The following FBXL18 variants were observed in gnomAD, a reference collection of about 807,000 sequenced individuals.
FBXL18 encodes F-box/LRR-repeat protein 18.
In FBXL18, 36 loss-of-function variants were observed where a neutral mutation model predicts 46.0. The observed-to-expected ratio is 0.78, with a 90% CI of 0.60 to 1.03. The LOEUF (loss-of-function observed/expected upper bound fraction) is 1.03, where lower values mean the gene tolerates loss of function less well. Ranked by LOEUF, FBXL18 falls within the 50% of genes least tolerant of loss-of-function variation. The pLI is 0.00. For synonymous variants in FBXL18, 557 were observed against 465.3 expected (o/e 1.20, Z -2.54); for missense variants, 977 against 1,004.1 (o/e 0.97, Z 0.36).
intron 3 of FBXL18, among the ~76,000 whole-genome samples, chr7:5,494,502 A>G (rs1025197910): frequency 6.6e-6 from 1 of 152,182 alleles, no homozygotes; most frequent in Non-Finnish European, 1.5e-5. Context: ...TTATTTTTCT[A>G]TATTTGTTTT....
In FBXL18 at chr7:5,496,898, G is replaced by A. The variant is rs2128236666; in HGVS notation, c.1781+3590C>T. ...AAAAAAAAATTAGCCGAGTATGGTGGTGGGCACCTGTAATCCCAGCTACTC... is the reference window on the plus strand; with the variant it reads ...AAAAAAAAATTAGCCGAGTATGGTGATGGGCACCTGTAATCCCAGCTACTC... On this transcript the variant is annotated intron_variant, in intron 3 of 4. Coordinates refer to ENST00000382368, the MANE Select transcript of FBXL18 (RefSeq NM_024963.6). This position sits in a 1 kb window ranked among gnomAD's most constrained non-coding sequence, Gnocchi z 4.8. Among the ~76,000 whole-genome samples, 1 of 152,136 alleles carries A rather than the reference G, an allele frequency of 6.6e-6. No individual in the cohort carries two copies. The highest frequency in any genetic ancestry group is 1.9e-4 in the East Asian group (1 of 5,170).
chr7:5,497,729 G>A (rs1413990254), intron 3 of FBXL18, among the ~76,000 whole-genome samples: 2 of 152,174 alleles, frequency 1.3e-5, no homozygotes, highest in African/African-American at 2.4e-5. Flanking sequence ...CGGTGTTTGC[G>A]AGAGACTCAG....
At chr7:5,465,159 CTG>C (rs1309330535) in intron 4 of FBXL18, among the ~76,000 whole-genome samples, 3 of 152,134 alleles carry the variant, frequency 2.0e-5, no homozygotes, top group Non-Finnish European at 4.4e-5. Context: ...GATCAATAGA[CTG>C]TGAACTATTT....
downstream of FBXL18, among the ~76,000 whole-genome samples, chr7:5,471,062 G>A (rs1783419511): frequency 6.6e-6 from 1 of 152,186 alleles, no homozygotes; most frequent in Admixed American, 6.5e-5. Context: ...TAAGCAGGCA[G>A]CTGACCCCCG....
intron 1 of FBXL18, among the ~76,000 whole-genome samples, chr7:5,507,436 G>C (rs1358510543): frequency 6.6e-6 from 1 of 152,102 alleles, no homozygotes; most frequent in Non-Finnish European, 1.5e-5. Context: ...CTCCAAAAGA[G>C]AAAGCCACAC....
rs954325523 is a variant in FBXL18 at position 5,476,096 on chromosome 7, G to C, written c.*5679C>G. 6.6e-6 allele frequency: 1 copy of C among 152,404 alleles called. No homozygotes were observed. The allele number at this position is 152,404 out of a possible 1,614,324, so 9.4% of individuals were successfully genotyped here. On this transcript the variant is annotated 3_prime_UTR_variant, in exon 5 of 5. Coordinates refer to ENST00000382368, the MANE Select transcript of FBXL18 (RefSeq NM_024963.6). Reference sequence around the variant, plus strand: ...CTCTGCTGTCTCTGGGCAGTCTCACGTGGACAGACAATGCTCAGAAGGTGG... The same window carrying C: ...CTCTGCTGTCTCTGGGCAGTCTCACCTGGACAGACAATGCTCAGAAGGTGG...
chr7:5,471,855 G>A (rs1272050114), downstream of FBXL18, among the ~76,000 whole-genome samples: 2 of 152,188 alleles, frequency 1.3e-5, no homozygotes, highest in Non-Finnish European at 2.9e-5. Flanking sequence ...GCTCACGCCT[G>A]TAATCCCAGC....
At chr7:5,462,625 G>A (rs1257997070) in intron 4 of FBXL18, among the ~76,000 whole-genome samples, 2 of 152,092 alleles carry the variant, frequency 1.3e-5, no homozygotes, top group East Asian at 1.9e-4. Context: ...TCTTACTGGG[G>A]ACCCAGCCGC....
chr7:5,513,422 G>A (rs1428761756), intron 1 of FBXL18, among the ~76,000 whole-genome samples: 1 of 152,152 alleles, frequency 6.6e-6, no homozygotes, highest in Admixed American at 6.6e-5. Context: ...TGGCGATCAG[G>A]AATGCACGAG....
intron 4 of FBXL18, chr7:5,490,281 A>C: frequency 8.0e-7 from 1 of 1,246,390 alleles, no homozygotes; most frequent in Non-Finnish European, 1.0e-6. Flanking sequence ...CGCCTCTCTC[A>C]GGAGCCCTGA....
At chr7:5,504,139 G>C (rs1268830648) in intron 2 of FBXL18, among the ~76,000 whole-genome samples, 1 of 150,762 alleles carries the variant, frequency 6.6e-6, no homozygotes, top group Non-Finnish European at 1.5e-5. Context: ...AGCAGAAAGA[G>C]CTAAAGCTTG....
chr7:5,492,628 G>C (rs1783959831), intron 3 of FBXL18, among the ~76,000 whole-genome samples: 1 of 152,084 alleles, frequency 6.6e-6, no homozygotes, highest in African/African-American at 2.4e-5. Context: ...GCGGATGCAA[G>C]GGAGTTAAGA....
At chr7:5,493,672 C>T (rs1056070516) in intron 3 of FBXL18, among the ~76,000 whole-genome samples, 4 of 132,794 alleles carry the variant, frequency 3.0e-5, no homozygotes, top group Admixed American at 7.6e-5. Context: ...TGTGTGCGTG[C>T]GTGCGTGCGT....
At position 5,507,799 on chromosome 7, in the gene FBXL18, A is replaced by C. The variant is rs1431289769; in HGVS notation, c.19-2169T>G. Among the ~76,000 whole-genome samples the C allele has an allele frequency of 5.9e-5, 9 of 151,646 alleles. No homozygotes were observed. The East Asian group carries it at 1.6e-3, about 26-fold the overall frequency. ...CAGGGAGCCAAGATCACACCACTGC[A>C]CTCCAGCCTGGGCAACAGAGCAAGA... On this transcript the variant is annotated intron_variant, in intron 1 of 4. Coordinates refer to ENST00000382368, the MANE Select transcript of FBXL18 (RefSeq NM_024963.6).
chr7:5,501,095 C>A lies in FBXL18; in HGVS notation c.1174G>T (p.Ala392Ser). ...CCCTCCGAGCTGTGGTGGTGGGCGG[C>A]CGAGAGGTTCAGGTGGCGCAGGTTG... ...CCNLRHLNLS[A>S]AHHHSSEGLG... The change falls in exon 3 of 5, where the codon GCC becomes TCC. Residue 392 changes from alanine to serine, a missense_variant. By Grantham distance (99) the Ala-to-Ser change is moderately conservative. Transcript: ENST00000382368. 6.2e-7 allele frequency: 1 copy of A among 1,612,414 alleles called. No homozygotes were observed. Among genetic ancestry groups the A allele is most frequent in the Non-Finnish European group, 8.5e-7 (1 of 1,179,780 alleles).
At chr7:5,509,500 C>G (rs537482444) in intron 1 of FBXL18, among the ~76,000 whole-genome samples, 8 of 152,134 alleles carry the variant, frequency 5.3e-5, no homozygotes, top group African/African-American at 1.9e-4. Context: ...CGAGACCAGC[C>G]TGGCCAATAT....
At chr7:5,495,952 G>C (rs775996931) in intron 3 of FBXL18, 1 of 463,724 alleles carries the variant, frequency 2.2e-6, no homozygotes, top group Non-Finnish European at 4.5e-6. Context: ...GAGCAGGGTC[G>C]GTCTCTCAGG....
At chr7:5,493,774 C>A (rs1783997414) in intron 3 of FBXL18, among the ~76,000 whole-genome samples, 1 of 151,924 alleles carries the variant, frequency 6.6e-6, no homozygotes, top group Non-Finnish European at 1.5e-5. Context: ...CTCAGCCTCC[C>A]AAAGTGCTAG....
intron 4 of FBXL18, among the ~76,000 whole-genome samples, chr7:5,486,636 G>C (rs1325816253): frequency 5.3e-5 from 8 of 152,156 alleles, no homozygotes; most frequent in Non-Finnish European, 8.8e-5. Context: ...CTGGGCAACA[G>C]AGAGAGACCC....
Sources: gnomAD v4.1 joint callset for allele counts (sites outside exome capture counted in the v4.1 genomes callset) on GRCh38, gnomAD v4.1.1 for gene constraint, Gnocchi (gnomAD v3.1) non-coding constraint, MANE v1.5 for transcripts, NCBI Gene and HGNC (gene_info 2026-07-23, HGNC 2026-07-21) for gene names.